TMEM44: variants seen among roughly 807,000 people sequenced by gnomAD.
TMEM44 encodes the protein transmembrane protein 44.
Under a neutral mutation model 47.8 loss-of-function variants are expected in TMEM44, and 43 were observed. That is an observed-to-expected ratio of 0.90 (90% CI 0.70 to 1.16). The LOEUF (loss-of-function observed/expected upper bound fraction) is 1.16. Among genes scored for constraint, TMEM44 ranks in the 50% most tolerant of loss-of-function variants. The pLI is 0.00. For synonymous variants in TMEM44, 277 were observed against 238.8 expected (o/e 1.16, Z -1.48); for missense variants, 568 against 555.2 (o/e 1.02, Z -0.23).
chr3:194,597,907 G>A (rs1182960267), intron 9 of TMEM44, among the ~76,000 whole-genome samples: 1 of 152,130 alleles, frequency 6.6e-6, no homozygotes, highest in African/African-American at 2.4e-5. Flanking sequence ...TGCTCTCTCT[G>A]GGCCTCTGTC....
At chr3:194,632,636 C>A (rs1381298756) in intron 1 of TMEM44, among the ~76,000 whole-genome samples, 1 of 152,168 alleles carries the variant, frequency 6.6e-6, no homozygotes, top group Non-Finnish European at 1.5e-5. Flanking sequence ...GAGTTGGTGG[C>A]CTAGCTGGAG....
At chr3:194,591,631 G>C (rs917943750) in intron 9 of TMEM44, among the ~76,000 whole-genome samples, 2 of 151,664 alleles carry the variant, frequency 1.3e-5, no homozygotes, top group African/African-American at 4.8e-5. Context: ...TATTTATTTT[G>C]AGACAGAGTC....
At chr3:194,613,013 T>G (rs2109187257) in intron 7 of TMEM44, among the ~76,000 whole-genome samples, 1 of 152,324 alleles carries the variant, frequency 6.6e-6, no homozygotes, top group Admixed American at 6.5e-5. Context: ...AACCAAAAAC[T>G]TTTGATGAAG....
chr3:194,615,258 A>T lies in TMEM44; in HGVS notation c.912+311T>A, dbSNP rs1298060474. On this transcript the variant is annotated intron_variant, in intron 7 of 9. Transcript: ENST00000347147. Reference sequence around the variant, plus strand: ...CTCCATCTCAATCAATCAATAGATTAAAAAAAAATAAAAATAAAGCGACCA... The same window carrying T: ...CTCCATCTCAATCAATCAATAGATTTAAAAAAAATAAAAATAAAGCGACCA... Among the ~76,000 whole-genome samples the T allele has an allele frequency of 2.7e-5, 4 of 150,236 alleles. No homozygotes were observed. The South Asian group carries it at 6.3e-4, about 24-fold the overall frequency.
intron 3 of TMEM44, among the ~76,000 whole-genome samples, chr3:194,624,305 G>A (rs528476421): frequency 6.6e-6 from 1 of 151,434 alleles, no homozygotes; most frequent in Admixed American, 6.6e-5. Flanking sequence ...TGGGATTCCG[G>A]GTGTAAGCCA....
chr3:194,606,963 A>AAAAAAAAAG (rs71179377), intron 8 of TMEM44, among the ~76,000 whole-genome samples: 2 of 149,656 alleles, frequency 1.3e-5, no homozygotes, highest in African/African-American at 2.4e-5. Context: ...AAAAAAAAAA[A>AAAAAAAAAG]GGAAAGAATA....
intron 5 of TMEM44, among the ~76,000 whole-genome samples, chr3:194,621,799 C>T (rs1448737562): frequency 6.6e-6 from 1 of 152,116 alleles, no homozygotes; most frequent in Non-Finnish European, 1.5e-5. Flanking sequence ...TCACTGCAAC[C>T]CCCACCTCCT....
chr3:194,595,566 G>A (rs1348595827), intron 9 of TMEM44, among the ~76,000 whole-genome samples: 1 of 151,698 alleles, frequency 6.6e-6, no homozygotes, highest in South Asian at 2.1e-4. Context: ...GCTCGACTTC[G>A]GATGGATTGT....
intron 8 of TMEM44, among the ~76,000 whole-genome samples, chr3:194,606,397 C>A (rs924691942): frequency 1.3e-5 from 2 of 152,156 alleles, no homozygotes; most frequent in Non-Finnish European, 2.9e-5. Context: ...CAACAGGGTG[C>A]CTGTTTCCCC....
intron 3 of TMEM44, among the ~76,000 whole-genome samples, chr3:194,624,728 C>CTT (rs55987964): frequency 2.0e-5 from 3 of 150,270 alleles, no homozygotes; most frequent in Non-Finnish European, 3.0e-5. Flanking sequence ...GGTTCATCCC[C>CTT]TTTTTTTTTT....
intron 9 of TMEM44, among the ~76,000 whole-genome samples, chr3:194,603,429 G>A (rs911773748): frequency 1.2e-4 from 18 of 152,020 alleles, no homozygotes; most frequent in African/African-American, 9.6e-5. Flanking sequence ...ATGGAGTCTC[G>A]CTCTGTTGGC....
rs983616863 is a variant in TMEM44 at position 194,610,183 on chromosome 3, T to C, written c.1017+733A>G. Among the ~76,000 whole-genome samples the C allele has an allele frequency of 6.0e-5, 9 of 151,258 alleles. No homozygotes were observed. The South Asian group carries it at 1.9e-3, about 32-fold the overall frequency. On this transcript the variant is annotated intron_variant, in intron 8 of 9. Coordinates refer to ENST00000347147, the MANE Select transcript of TMEM44 (RefSeq NM_001011655.3). ...CTGCAGTGAGCTGAGATCATGCCACTGTACTCCAGCCTGGGCGACAGAGTG... is the reference window on the plus strand; with the variant it reads ...CTGCAGTGAGCTGAGATCATGCCACCGTACTCCAGCCTGGGCGACAGAGTG...
At chr3:194,607,097 G>T (rs1351793583) in intron 8 of TMEM44, among the ~76,000 whole-genome samples, 1 of 152,182 alleles carries the variant, frequency 6.6e-6, no homozygotes, top group East Asian at 1.9e-4. Context: ...TTGGAAGTGG[G>T]GCCTGGTGGG....
intron 8 of TMEM44, among the ~76,000 whole-genome samples, chr3:194,608,600 G>A (rs1406059839): frequency 6.6e-6 from 1 of 152,234 alleles, no homozygotes; most frequent in East Asian, 1.9e-4. Context: ...CTCTGGAGAA[G>A]CAGACATTTA....
chr3:194,590,250 T>C (rs938763014), intron 9 of TMEM44: 2 of 152,232 alleles, frequency 1.3e-5, no homozygotes, highest in South Asian at 2.1e-4. Flanking sequence ...TTGTTAGTGA[T>C]TTACTGATAA....
intron 1 of TMEM44, among the ~76,000 whole-genome samples, chr3:194,631,724 C>T (rs1444896372): frequency 1.3e-5 from 2 of 152,178 alleles, no homozygotes; most frequent in East Asian, 3.9e-4. Context: ...TGTTCTCAGC[C>T]ACTTCCCCAG....
chr3:194,597,724 A>T (rs1176458051), intron 9 of TMEM44, among the ~76,000 whole-genome samples: 1 of 152,098 alleles, frequency 6.6e-6, no homozygotes, highest in Non-Finnish European at 1.5e-5. Context: ...GGCCTTCCAC[A>T]GCATACGTGT....
Position 194,588,742 on chromosome 3 carries a change from AT to A in TMEM44, c.1177-104del, listed in dbSNP as rs1412497950. Reference sequence around the variant, plus strand: ...AAAAGCTCCAATCTTGGTTCTCATGATCCAGGCACAGACAAGGACAAAAGGG... The same window carrying A: ...AAAAGCTCCAATCTTGGTTCTCATGACCAGGCACAGACAAGGACAAAAGGG... On this transcript the variant is annotated intron_variant, in intron 9 of 9. Transcript: ENST00000347147. 1.1e-5 allele frequency: 12 copies of A among 1,142,540 alleles called. No individual in the cohort carries two copies. The African/African-American group carries it at 1.7e-4, about 16-fold the overall frequency. The allele number at this position is 1,142,540 out of a possible 1,614,324, so 70.8% of individuals were successfully genotyped here.
chr3:194,631,431 G>A (rs1284475366), intron 1 of TMEM44, among the ~76,000 whole-genome samples: 1 of 152,122 alleles, frequency 6.6e-6, no homozygotes. Context: ...TGGTGGATGA[G>A]TACAGAGGGC....
Sources: allele counts gnomAD v4.1 joint callset (sites outside exome capture counted in the v4.1 genomes callset), GRCh38; gene constraint gnomAD v4.1.1; transcripts MANE v1.5; gene names NCBI Gene and HGNC (gene_info 2026-07-23, HGNC 2026-07-21).